IQUB: variants seen among roughly 807,000 people sequenced by gnomAD.
IQUB encodes the protein IQ motif and ubiquitin domain containing.
IQUB carries 86 observed loss-of-function variants against 86.4 expected under a neutral mutation model. The observed-to-expected ratio is 1.00, with a 90% CI of 0.84 to 1.19. The LOEUF (loss-of-function observed/expected upper bound fraction) is 1.19. IQUB is among the 50% of genes most tolerant of loss of function. The pLI, the probability that IQUB is intolerant of heterozygous loss-of-function variation, is 0.00. For missense variants in IQUB, 946 were observed against 916.9 expected, an observed-to-expected ratio of 1.03 and a Z score of -0.41; for synonymous variants, 289 against 304.5, an observed-to-expected ratio of 0.95 and a Z score of 0.53.
chr7:123,456,569 G>C (rs1173297050), intron 12 of IQUB: 2 of 151,632 alleles, frequency 1.3e-5, no homozygotes, highest in East Asian at 3.9e-4. Flanking sequence ...AACAAACAGG[G>C]AATCACACTA....
intron 1 of IQUB, among the ~76,000 whole-genome samples, chr7:123,514,854 ACTTT>A (rs1360894065): frequency 6.6e-6 from 1 of 152,140 alleles, no homozygotes; most frequent in African/African-American, 2.4e-5. Flanking sequence ...GTGATATTTG[ACTTT>A]CTGTTTCTGA....
At chr7:123,461,626 GA>G (rs746015977) in intron 10 of IQUB, 21 bp from the exon 11 acceptor site, 38 of 1,515,908 alleles carry the variant, frequency 2.5e-5, no homozygotes, top group Middle Eastern at 1.8e-4. Context: ...AGTAAAAAAA[GA>G]AAAAAAAGGT....
In IQUB at chr7:123,513,802, C is replaced by T. The variant is rs139865007; in HGVS notation, c.-4-1458G>A. 5.9e-4 allele frequency among the ~76,000 whole-genome samples: 90 copies of T among 152,218 alleles called. 1 individual carries two copies. The highest frequency in any genetic ancestry group is 2.0e-3 in the African/African-American group (85 of 41,530). On this transcript the variant is annotated intron_variant, in intron 1 of 12. Transcript: ENST00000324698. The stretch of plus-strand genomic sequence containing the variant: ...TCACTGGGTCTACAGGTATGTGCTA[C>T]CACACTCAGCTTATTTTTGAATTTT...
intron 1 of IQUB, chr7:123,532,432 T>C (rs1797573247): frequency 6.6e-6 from 1 of 152,156 alleles, no homozygotes; most frequent in South Asian, 2.1e-4. Context: ...TGCTTGTCTC[T>C]TGAAGCGAAT....
At chr7:123,504,943 A>T (rs2117219185) in intron 3 of IQUB, among the ~76,000 whole-genome samples, 1 of 152,344 alleles carries the variant, frequency 6.6e-6, no homozygotes, top group African/African-American at 2.4e-5. Context: ...AGCCTATAAA[A>T]TCAAAAACAA....
At chr7:123,496,527 A>T (rs1795711977) in intron 7 of IQUB, among the ~76,000 whole-genome samples, 169 bp downstream of exon 7, 1 of 152,164 alleles carries the variant, frequency 6.6e-6, no homozygotes, top group Non-Finnish European at 1.5e-5. Flanking sequence ...TTTCAGCCTT[A>T]ATTCTTATTC....
intron 7 of IQUB, among the ~76,000 whole-genome samples, chr7:123,495,070 A>G (rs772896327): frequency 2.6e-5 from 4 of 152,154 alleles, no homozygotes; most frequent in Non-Finnish European, 5.9e-5. Flanking sequence ...TCTCTATTGA[A>G]GTACTGACAC....
At chr7:123,478,890 G>C (rs1323896326) in intron 8 of IQUB, among the ~76,000 whole-genome samples, 2 of 152,088 alleles carry the variant, frequency 1.3e-5, no homozygotes, top group African/African-American at 4.8e-5. Flanking sequence ...GAAATCCAAA[G>C]AGCAGTGACA....
chr7:123,516,170 C>A (rs1796627920), intron 1 of IQUB, among the ~76,000 whole-genome samples: 1 of 151,904 alleles, frequency 6.6e-6, no homozygotes, highest in Admixed American at 6.6e-5. Flanking sequence ...CAAGGAATTT[C>A]AATAACAATA....
chr7:123,531,594 C>G (rs1319335792), intron 1 of IQUB, among the ~76,000 whole-genome samples: 1 of 152,204 alleles, frequency 6.6e-6, no homozygotes, highest in Non-Finnish European at 1.5e-5. Flanking sequence ...TATTTATTTT[C>G]CTGATCATAA....
chr7:123,465,150 T>G (rs867323740), intron 9 of IQUB, 141 bp from the exon 10 acceptor site: 2 of 597,136 alleles, frequency 3.3e-6, no homozygotes, highest in Non-Finnish European at 5.8e-6. Context: ...GCAAAACTAA[T>G]AGTTCATTTT....
At chr7:123,483,583 A>C (rs1795096952) in intron 7 of IQUB, among the ~76,000 whole-genome samples, 2 of 152,128 alleles carry the variant, frequency 1.3e-5, no homozygotes, top group African/African-American at 4.8e-5. Context: ...TCTATGGTTC[A>C]TAAAAAAGCA....
chr7:123,528,588 G>A (rs561357916), intron 1 of IQUB, among the ~76,000 whole-genome samples: 128 of 152,180 alleles, frequency 8.4e-4, no homozygotes, highest in African/African-American at 3.1e-3. Flanking sequence ...GGAGTCCATG[G>A]GGGATTGGGA....
chr7:123,527,318 C>A (rs1254435267), intron 1 of IQUB, among the ~76,000 whole-genome samples: 1 of 152,238 alleles, frequency 6.6e-6, no homozygotes, highest in African/African-American at 2.4e-5. Flanking sequence ...CTCAGCTCGT[C>A]AAAGTCATTC....
At chr7:123,525,209 G>C (rs1435853475) in intron 1 of IQUB, among the ~76,000 whole-genome samples, 2 of 152,064 alleles carry the variant, frequency 1.3e-5, no homozygotes, top group African/African-American at 4.8e-5. Flanking sequence ...GATGATGCTG[G>C]CCTCATAAAA....
chr7:123,492,741 C>G (rs536031548), intron 7 of IQUB, among the ~76,000 whole-genome samples: 3 of 152,040 alleles, frequency 2.0e-5, no homozygotes, highest in Non-Finnish European at 4.4e-5. Flanking sequence ...CTTACTCACC[C>G]CACTCTCCAG....
At position 123,479,861 on chromosome 7, in the gene IQUB, A is replaced by T. The variant is rs566828909; in HGVS notation, c.1344T>A (p.Ile448=). 43 of 1,612,992 alleles carry T rather than the reference A, an allele frequency of 2.7e-5. No homozygotes were observed. The Middle Eastern group carries it at 6.6e-4, about 25-fold the overall frequency. Residue 448 remains isoleucine (I), a synonymous_variant, in exon 8 of 13, where the codon ATT becomes ATA. Transcript: ENST00000324698. ...LEKETQIIAS[I]GRHRYIAYMA... is the part of the protein sequence containing the mutation. ...TATAAGCAATGTATCTATGTCTCCC[A>T]ATGGAAGCAATTATCTGAGTCTCTT... is the stretch of plus-strand genomic sequence containing the variant.
At chr7:123,503,398 G>A (rs377262200) in intron 3 of IQUB, 35 bp from the exon 4 acceptor site, 1 of 1,205,188 alleles carries the variant, frequency 8.3e-7, no homozygotes, top group Non-Finnish European at 1.2e-6. Context: ...AAAGTTTTAT[G>A]ACAAAGAAAT....
chr7:123,501,517 C>T (rs1295107442), intron 6 of IQUB: 2 of 152,214 alleles, frequency 1.3e-5, no homozygotes, highest in African/African-American at 4.8e-5. Context: ...AAACTTCGTT[C>T]TCTAAATTCA....
Sources: allele counts gnomAD v4.1 joint callset (sites outside exome capture counted in the v4.1 genomes callset), GRCh38; gene constraint gnomAD v4.1.1; transcripts MANE v1.5; gene names NCBI Gene and HGNC (gene_info 2026-07-23, HGNC 2026-07-21).